DAAM2: variants seen among roughly 807,000 people sequenced by gnomAD.
DAAM2 encodes dishevelled associated activator of morphogenesis 2, also known as disheveled-associated activator of morphogenesis 2.
In DAAM2, 39 loss-of-function variants were observed where a neutral mutation model predicts 120.7. That is an observed-to-expected ratio of 0.32 (90% CI 0.25 to 0.42). The LOEUF (loss-of-function observed/expected upper bound fraction) is 0.42. DAAM2 is among the 10% of genes least tolerant of loss of function. The pLI is 1.00. For synonymous variants in DAAM2, 488 were observed against 524.9 expected (o/e 0.93, Z 0.96); for missense variants, 1,283 against 1,401.7 (o/e 0.92, Z 1.35).
intron 1 of DAAM2, among the ~76,000 whole-genome samples, chr6:39,824,731 G>A (rs1762607201): frequency 6.6e-6 from 1 of 152,136 alleles, no homozygotes; most frequent in Non-Finnish European, 1.5e-5. Context: ...ACCCACTGGT[G>A]CCTTCTCGGC....
At position 39,825,384 on chromosome 6, in the gene DAAM2, TAAAACAAAACAAAACAAAAC is replaced by T. The variant is rs56245657; in HGVS notation, c.-56-30836_-56-30817del. Among the ~76,000 whole-genome samples the T allele has an allele frequency of 4.9e-3, 497 of 101,562 alleles. 2 individuals are homozygous for T. The highest frequency in any genetic ancestry group is 0.016 in the African/African-American group (428 of 26,298). The allele number at this position is 101,562 out of a possible 152,430, so 66.6% of individuals were successfully genotyped here. On this transcript the variant is annotated intron_variant, in intron 1 of 24. Coordinates refer to ENST00000274867, the MANE Select transcript of DAAM2 (RefSeq NM_001201427.2). ...AGCTGGGTGACAGAGCAAGACTGTT[TAAAACAAAACAAAACAAAAC>T]AAAACAAAACAAAACAAAACAAAAC... is the stretch of plus-strand genomic sequence containing the variant.
At chr6:39,825,852 A>G (rs1333632288) in intron 1 of DAAM2, among the ~76,000 whole-genome samples, 1 of 152,162 alleles carries the variant, frequency 6.6e-6, no homozygotes, top group East Asian at 1.9e-4. Flanking sequence ...TGGTCCTTGT[A>G]CCTCTTGGGT....
chr6:39,795,775 A>G (rs1486129875), intron 1 of DAAM2, among the ~76,000 whole-genome samples: 1 of 152,210 alleles, frequency 6.6e-6, no homozygotes, highest in African/African-American at 2.4e-5. Flanking sequence ...AAGATATTCC[A>G]TGAGCATCCC....
At chr6:39,884,627 CTGGG>C in intron 15 of DAAM2, 1 of 29,330 alleles carries the variant, frequency 3.4e-5, no homozygotes, top group Non-Finnish European at 7.9e-5. Flanking sequence ...GAGGCTGGGG[CTGGG>C]CCTGGGCCTG....
intron 1 of DAAM2, chr6:39,819,349 G>A (rs1212084852): frequency 6.6e-6 from 1 of 152,170 alleles, no homozygotes; most frequent in Non-Finnish European, 1.5e-5. Flanking sequence ...AGTCTTCAAA[G>A]GGCAGAGTCA....
At position 39,898,872 on chromosome 6, in the gene DAAM2, T is replaced by C. The variant is rs1033528349; in HGVS notation, c.2619-5T>C. 6.2e-7 allele frequency: 1 copy of C among 1,611,670 alleles called. No individual in the cohort carries two copies. The highest frequency in any genetic ancestry group is 1.3e-5 in the African/African-American group (1 of 74,986). Reference sequence around the variant, plus strand: ...TCATTCCCTTCCCTCTGTGTCTCCTTACAGCCTAGCAGAACTGGAGAAGGA... The same window carrying C: ...TCATTCCCTTCCCTCTGTGTCTCCTCACAGCCTAGCAGAACTGGAGAAGGA... On this transcript the variant is annotated splice_polypyrimidine_tract_variant and splice_region_variant and intron_variant, in intron 21 of 24. Coordinates refer to ENST00000274867, the MANE Select transcript of DAAM2 (RefSeq NM_001201427.2).
At position 39,898,881 on chromosome 6, in the gene DAAM2, G is replaced by C. The variant is rs1453925723; in HGVS notation, c.2623G>C (p.Ala875Pro). 6.2e-7 allele frequency: 1 copy of C among 1,612,430 alleles called. No individual in the cohort carries two copies. The highest frequency in any genetic ancestry group is 1.7e-5 in the Admixed American group (1 of 59,860). ...HLPEAAKVNL[A>P]ELEKEVGNLR... ...TCCCTCTGTGTCTCCTTACAGCCTA[G>C]CAGAACTGGAGAAGGAGGTGGGCAA... is the stretch of plus-strand genomic sequence containing the variant. Residue 875 changes from alanine to proline, a missense_variant, in exon 22 of 25, where the codon GCA (alanine) becomes CCA (proline). Ala to Pro is a conservative substitution (Grantham distance 27). This residue lies in a region of DAAM2 where 748 missense variants were observed against 768.6 expected (regional missense o/e 0.97). Coordinates refer to ENST00000274867, the MANE Select transcript of DAAM2 (RefSeq NM_001201427.2).
At chr6:39,821,827 A>C (rs1762498605) in intron 1 of DAAM2, 1 of 152,298 alleles carries the variant, frequency 6.6e-6, no homozygotes, top group South Asian at 2.1e-4. Context: ...GCCAGAGACC[A>C]GTGACATTTG....
At chr6:39,886,655 G>A (rs1255259305) in intron 15 of DAAM2, 2 of 391,128 alleles carry the variant, frequency 5.1e-6, no homozygotes, top group African/African-American at 2.1e-5. Context: ...CAGCAGTGGA[G>A]GTCAATGTCT....
At chr6:39,834,876 A>G (rs936658446) in intron 1 of DAAM2, among the ~76,000 whole-genome samples, 4 of 152,166 alleles carry the variant, frequency 2.6e-5, no homozygotes, top group Non-Finnish European at 5.9e-5. Context: ...GAGTCAAGCC[A>G]ACGCACGGGC....
At chr6:39,828,047 C>T (rs942737591) in intron 1 of DAAM2, among the ~76,000 whole-genome samples, 2 of 152,200 alleles carry the variant, frequency 1.3e-5, no homozygotes, top group Non-Finnish European at 2.9e-5. Flanking sequence ...CCTGTGCTCC[C>T]ACAGGCCTGT....
At chr6:39,804,079 T>C (rs1761941622) in intron 1 of DAAM2, among the ~76,000 whole-genome samples, 1 of 152,210 alleles carries the variant, frequency 6.6e-6, no homozygotes, top group Non-Finnish European at 1.5e-5. Context: ...TTTTTAACTC[T>C]TTCAGAGCAC....
chr6:39,840,451 A>G (rs1389504832), intron 1 of DAAM2, among the ~76,000 whole-genome samples: 1 of 152,226 alleles, frequency 6.6e-6, no homozygotes, highest in Non-Finnish European at 1.5e-5. Flanking sequence ...TTTAAGACAA[A>G]GGAAGAGTTA....
At position 39,901,880 on chromosome 6, in the gene DAAM2, TGGA is replaced by T. The variant is rs1030405747; in HGVS notation, c.3056_3058del (p.Glu1019del). The T allele has an allele frequency of 1.0e-5, 16 of 1,596,600 alleles. No homozygotes were observed. Among genetic ancestry groups the T allele is most frequent in the South Asian group, 1.1e-5 (1 of 89,744 alleles). The stretch of plus-strand genomic sequence containing the variant: ...AAGGTCCTGGCTGCAGGCAGCTCGC[TGGA>T]GGAGGGAGGAGAGTTCGATGACCTG... On this transcript the variant is annotated inframe_deletion, in exon 25 of 25. Transcript: ENST00000274867. The surrounding 1 kb of genome is among the most constrained non-coding windows in gnomAD (Gnocchi z 4.5).
intron 1 of DAAM2, among the ~76,000 whole-genome samples, chr6:39,811,895 G>T (rs919180325): frequency 6.6e-6 from 1 of 152,184 alleles, no homozygotes; most frequent in African/African-American, 2.4e-5. Flanking sequence ...TGAGAAGCCA[G>T]TCCCCTTCCT....
intron 1 of DAAM2, among the ~76,000 whole-genome samples, chr6:39,815,292 GA>G (rs1296092380): frequency 1.3e-5 from 2 of 152,292 alleles, no homozygotes; most frequent in South Asian, 4.1e-4. Flanking sequence ...AATTCGTTAA[GA>G]TTATTAACTA....
At chr6:39,859,638 G>A (rs1440165507) in intron 2 of DAAM2, among the ~76,000 whole-genome samples, 1 of 152,138 alleles carries the variant, frequency 6.6e-6, no homozygotes, top group Non-Finnish European at 1.5e-5. Context: ...AAAAAGGAAT[G>A]TAAAATATCT....
intron 17 of DAAM2, among the ~76,000 whole-genome samples, chr6:39,891,006 T>C (rs1420099877): frequency 6.6e-6 from 1 of 151,868 alleles, no homozygotes; most frequent in African/African-American, 2.4e-5. Context: ...GGTGGGAGTA[T>C]TGCTTCAGCC....
At chr6:39,899,270 C>T (rs144564620) in intron 22 of DAAM2, among the ~76,000 whole-genome samples, 416 of 152,310 alleles carry the variant, frequency 2.7e-3, no homozygotes, top group African/African-American at 9.4e-3. Flanking sequence ...GCAGGAAGCA[C>T]GCAATGTGGC....
Sources: allele counts gnomAD v4.1 joint callset (sites outside exome capture counted in the v4.1 genomes callset), GRCh38; gene constraint gnomAD v4.1.1; regional missense constraint gnomAD v4.1.1; non-coding constraint Gnocchi (gnomAD v3.1); transcripts MANE v1.5; gene names NCBI Gene and HGNC (gene_info 2026-07-23, HGNC 2026-07-21).